CSMD1: variants seen among roughly 807,000 people sequenced by gnomAD.
CSMD1 encodes CUB and Sushi multiple domains 1.
A neutral mutation model predicts 417.5 loss-of-function variants in CSMD1; 213 were observed. The observed-to-expected ratio is 0.51, with a 90% CI of 0.46 to 0.57. CSMD1 has a LOEUF of 0.57. CSMD1 is among the 20% of genes least tolerant of loss of function. The pLI is 0.00. For missense variants in CSMD1, 6,923 were observed against 4,529.7 expected (o/e 1.53, Z -15.17); for synonymous variants, 2,862 against 1,736.8 (o/e 1.65, Z -16.11).
intron 10 of CSMD1, among the ~76,000 whole-genome samples, chr8:3,502,675 A>G (rs187409231): frequency 6.6e-6 from 1 of 152,236 alleles, no homozygotes; most frequent in Non-Finnish European, 1.5e-5. Context: ...CTATGGAGAC[A>G]GTAAAAAGAT....
chr8:4,039,025 T>A (rs921836736), intron 3 of CSMD1, among the ~76,000 whole-genome samples: 4 of 149,956 alleles, frequency 2.7e-5, no homozygotes, highest in African/African-American at 9.9e-5. Context: ...ATTAAGTATC[T>A]TTCCAAAAGA....
chr8:3,307,821 G>A lies in CSMD1; in HGVS notation c.3824C>T (p.Ala1275Val), dbSNP rs200672229. Reference protein sequence around the residue: ...VWDKPLPSCIAECGGQIHAAT... With the variant: ...VWDKPLPSCIVECGGQIHAAT... Reference sequence around the variant, plus strand: ...TGCATGGATCTGACCACCACATTCCGCTGTAGAAGACACAGAGAGATGGGA... The same window carrying A: ...TGCATGGATCTGACCACCACATTCCACTGTAGAAGACACAGAGAGATGGGA... The change falls in exon 25 of 70, where the codon GCG becomes GTG. Residue 1275 changes from alanine (A) to valine (V), a missense_variant and splice_region_variant. By Grantham distance (64) the Ala-to-Val change is moderately conservative (BLOSUM62 0). Coordinates refer to ENST00000635120, the MANE Select transcript of CSMD1 (RefSeq NM_033225.6). 127 of 1,610,898 alleles carry A rather than the reference G, an allele frequency of 7.9e-5. No homozygotes were observed. The highest frequency in any genetic ancestry group is 1.6e-4 in the Middle Eastern group (1 of 6,064).
intron 3 of CSMD1, among the ~76,000 whole-genome samples, chr8:4,151,784 G>A (rs898792503): frequency 2.6e-5 from 4 of 152,238 alleles, no homozygotes; most frequent in South Asian, 2.1e-4. Flanking sequence ...TTCTGCAAAT[G>A]CTTATTTTAT....
intron 1 of CSMD1, among the ~76,000 whole-genome samples, chr8:4,741,254 G>A (rs925986915): frequency 3.4e-4 from 52 of 152,144 alleles, no homozygotes; most frequent in African/African-American, 1.3e-3. Context: ...TAGGCTTAAA[G>A]AAGAGCATCT....
intron 1 of CSMD1, among the ~76,000 whole-genome samples, chr8:4,811,828 AT>A (rs957485992): frequency 6.6e-5 from 10 of 152,036 alleles, no homozygotes; most frequent in African/African-American, 1.4e-4. Flanking sequence ...AAAAGATGTG[AT>A]TTTTTTTCTT....
At chr8:4,841,459 A>C (rs1800830351) in intron 1 of CSMD1, among the ~76,000 whole-genome samples, 1 of 152,242 alleles carries the variant, frequency 6.6e-6, no homozygotes, top group Non-Finnish European at 1.5e-5. Flanking sequence ...TCAGTGTTAA[A>C]CGAATAAACT....
chr8:4,871,589 T>A (rs146991434), intron 1 of CSMD1, among the ~76,000 whole-genome samples: 1 of 152,246 alleles, frequency 6.6e-6, no homozygotes, highest in East Asian at 1.9e-4. Flanking sequence ...AAGGCAAAGA[T>A]CAAATGGTTT....
chr8:4,036,930 C>G lies in CSMD1; in HGVS notation c.416-4831G>C, dbSNP rs76180873. Reference sequence around the variant, plus strand: ...CATGTTAGGCTCATTGGCATGTGCCCTGGATCCTAGTATGGGTGAGTGTGG... The same window carrying G: ...CATGTTAGGCTCATTGGCATGTGCCGTGGATCCTAGTATGGGTGAGTGTGG... On this transcript the variant is annotated intron_variant, in intron 3 of 69. Coordinates refer to ENST00000635120, the MANE Select transcript of CSMD1 (RefSeq NM_033225.6). Among the ~76,000 whole-genome samples, 1,072 of 151,556 alleles carry G rather than the reference C, an allele frequency of 7.1e-3. 18 individuals are homozygous for G. The highest frequency in any genetic ancestry group is 0.024 in the African/African-American group (1,003 of 41,272).
At chr8:3,750,233 G>C (rs760036897) in intron 6 of CSMD1, among the ~76,000 whole-genome samples, 1 of 151,852 alleles carries the variant, frequency 6.6e-6, no homozygotes, top group East Asian at 1.9e-4. Context: ...AATGATAAAC[G>C]TGACTACAAT....
At chr8:4,123,439 C>T (rs986843732) in intron 3 of CSMD1, among the ~76,000 whole-genome samples, 2 of 152,036 alleles carry the variant, frequency 1.3e-5, no homozygotes, top group African/African-American at 4.8e-5. Context: ...ATATATTTGG[C>T]CTTTAATGTT....
At chr8:3,500,113 G>A (rs2117336583) in intron 10 of CSMD1, among the ~76,000 whole-genome samples, 2 of 152,190 alleles carry the variant, frequency 1.3e-5, no homozygotes, top group Middle Eastern at 6.8e-3. Context: ...GCACTGAACG[G>A]ATCCTACCTG....
intron 10 of CSMD1, among the ~76,000 whole-genome samples, chr8:3,516,871 C>T (rs1369825486): frequency 6.6e-6 from 1 of 152,154 alleles, no homozygotes; most frequent in Non-Finnish European, 1.5e-5. Flanking sequence ...GATACTTGCA[C>T]ACACATGTTT....
At chr8:4,624,987 C>G (rs1802014880) in intron 2 of CSMD1, among the ~76,000 whole-genome samples, 1 of 152,096 alleles carries the variant, frequency 6.6e-6, no homozygotes, top group Non-Finnish European at 1.5e-5. Context: ...TTATCATCAC[C>G]TTATTCTTTA....
chr8:4,682,494 G>C (rs1806113980), intron 1 of CSMD1, among the ~76,000 whole-genome samples: 1 of 151,860 alleles, frequency 6.6e-6, no homozygotes, highest in Admixed American at 6.6e-5. Context: ...TAATATGAAA[G>C]ATACAGGAAA....
At chr8:4,782,663 C>G (rs1797211955) in intron 1 of CSMD1, among the ~76,000 whole-genome samples, 1 of 152,110 alleles carries the variant, frequency 6.6e-6, no homozygotes, top group South Asian at 2.1e-4. Flanking sequence ...CAATATAGCT[C>G]TACTGTGACT....
intron 12 of CSMD1, among the ~76,000 whole-genome samples, chr8:3,426,267 CAT>C (rs1813833522): frequency 1.3e-5 from 2 of 152,190 alleles, no homozygotes; most frequent in East Asian, 1.9e-4. Context: ...CTGCACATCA[CAT>C]GAGTTAAATT....
intron 5 of CSMD1, among the ~76,000 whole-genome samples, chr8:3,984,029 G>C (rs1191377306): frequency 6.7e-6 from 1 of 148,322 alleles, no homozygotes; most frequent in Non-Finnish European, 1.5e-5. Context: ...TGCAGCTCTA[G>C]AGCACACGGC....
intron 7 of CSMD1, among the ~76,000 whole-genome samples, chr8:3,626,138 A>C (rs1796481517): frequency 2.6e-5 from 4 of 152,172 alleles, no homozygotes; most frequent in Admixed American, 2.0e-4. Flanking sequence ...ACCGGAATGT[A>C]TATTGGCAGC....
At chr8:4,794,459 C>T (rs368598013) in intron 1 of CSMD1, among the ~76,000 whole-genome samples, 12 of 152,200 alleles carry the variant, frequency 7.9e-5, no homozygotes, top group African/African-American at 2.9e-4. Flanking sequence ...TTCCTCATTG[C>T]TCTTAAAATC....
Sources: allele counts gnomAD v4.1 joint callset (sites outside exome capture counted in the v4.1 genomes callset), GRCh38; gene constraint gnomAD v4.1.1; transcripts MANE v1.5; gene names NCBI Gene and HGNC (gene_info 2026-07-23, HGNC 2026-07-21).